JMJD1C: variants seen among roughly 807,000 people sequenced by gnomAD.
JMJD1C encodes the protein jumonji domain containing 1C.
In JMJD1C, 31 loss-of-function variants were observed where a neutral mutation model predicts 245.3. That is an observed-to-expected ratio of 0.13 (90% CI 0.09 to 0.17). JMJD1C has a LOEUF of 0.17. Ranked by LOEUF, JMJD1C falls within the 10% of genes least tolerant of loss-of-function variation. JMJD1C has a pLI of 1.00. For missense variants in JMJD1C, 2,691 were observed against 3,000.2 expected, an observed-to-expected ratio of 0.90 and a Z score of 2.41; for synonymous variants, 1,057 against 1,017.4, an observed-to-expected ratio of 1.04 and a Z score of -0.74.
At chr10:63,475,061 A>G (rs1287534239) in intron 1 of JMJD1C, among the ~76,000 whole-genome samples, 2 of 152,178 alleles carry the variant, frequency 1.3e-5, no homozygotes, top group Non-Finnish European at 2.9e-5. Context: ...GCGAGTATAA[A>G]ATGTAAAGAT....
chr10:63,418,364 T>C (rs1262119018), intron 1 of JMJD1C, among the ~76,000 whole-genome samples: 3 of 152,244 alleles, frequency 2.0e-5, no homozygotes, highest in Admixed American at 6.5e-5. Context: ...GTTTTGAAAT[T>C]AATCTTCCCT....
chr10:63,329,819 G>T (rs1280238172), intron 2 of JMJD1C, among the ~76,000 whole-genome samples: 1 of 152,210 alleles, frequency 6.6e-6, no homozygotes, highest in Non-Finnish European at 1.5e-5. Context: ...ATTACAAAGG[G>T]TAAACAACAG....
chr10:63,456,787 C>G (rs1418134682), intron 1 of JMJD1C, among the ~76,000 whole-genome samples: 1 of 152,020 alleles, frequency 6.6e-6, no homozygotes. Context: ...TGGAAGAAAC[C>G]TGAAATAATG....
chr10:63,516,277 G>A (rs1456312539), intron 1 of JMJD1C, among the ~76,000 whole-genome samples: 2 of 149,144 alleles, frequency 1.3e-5, no homozygotes, highest in East Asian at 1.9e-4. Flanking sequence ...CCTGTGAAAT[G>A]AACTGAGTAG....
chr10:63,249,871 AAG>A (rs1336377090), intron 3 of JMJD1C, among the ~76,000 whole-genome samples: 2 of 152,016 alleles, frequency 1.3e-5, no homozygotes, highest in African/African-American at 4.8e-5. Flanking sequence ...AAAAAAAAAA[AAG>A]AAAAAAGAAA....
chr10:63,504,405 C>A (rs925159204), intron 1 of JMJD1C, among the ~76,000 whole-genome samples: 1 of 152,016 alleles, frequency 6.6e-6, no homozygotes, highest in Non-Finnish European at 1.5e-5. Context: ...GGAGTCACCA[C>A]GGAATCTGAA....
Position 63,465,875 on chromosome 10 carries a change from C to A in JMJD1C, c.-213G>T. On this transcript the variant is annotated 5_prime_UTR_variant, in exon 1 of 26. Transcript: ENST00000399262. The stretch of plus-strand genomic sequence containing the variant: ...CTCCTTTGGACTCCCAGATTCGCAG[C>A]CTTGTGCTGCAGCGCCACACAAGAA... 1 of 677,948 alleles carries A rather than the reference C, an allele frequency of 1.5e-6. No homozygotes were observed. Among genetic ancestry groups the A allele is most frequent in the Admixed American group, 2.1e-5 (1 of 47,206 alleles). 42.0% of individuals were successfully genotyped at this position (677,948 alleles called of 1,614,324 possible).
intron 20 of JMJD1C, among the ~76,000 whole-genome samples, chr10:63,185,316 G>C (rs1844001403): frequency 6.6e-6 from 1 of 152,068 alleles, no homozygotes; most frequent in African/African-American, 2.4e-5. Context: ...TTTTTTTGTA[G>C]AGATAAGGTT....
chr10:63,168,388 G>C, intron 25 of JMJD1C, 47 bp downstream of exon 25: 6 of 1,550,240 alleles, frequency 3.9e-6, no homozygotes, highest in Non-Finnish European at 3.5e-6. Flanking sequence ...TCATATTTCT[G>C]AATATAAAAA....
At chr10:63,336,877 T>C (rs1942790320) in intron 2 of JMJD1C, among the ~76,000 whole-genome samples, 2 of 151,942 alleles carry the variant, frequency 1.3e-5, no homozygotes, top group South Asian at 4.2e-4. Context: ...AGAGACTTGC[T>C]CTGTTGCCCC....
chr10:63,187,693 G>C (rs916046322), intron 18 of JMJD1C, among the ~76,000 whole-genome samples: 6 of 152,116 alleles, frequency 3.9e-5, no homozygotes, highest in Non-Finnish European at 8.8e-5. Context: ...GTCCCACCTT[G>C]GCCTCCCAAA....
At chr10:63,238,006 TAAAAAAAA>T (rs35736445) in intron 3 of JMJD1C, among the ~76,000 whole-genome samples, 2 of 27,602 alleles carry the variant, frequency 7.2e-5, no homozygotes, top group African/African-American at 3.2e-4. Flanking sequence ...CCGTCTCTAC[TAAAAAAAA>T]AAAAAAAAAA....
chr10:63,229,930 T>G (rs1353122463), intron 3 of JMJD1C, among the ~76,000 whole-genome samples: 1 of 152,184 alleles, frequency 6.6e-6, no homozygotes, highest in Non-Finnish European at 1.5e-5. Context: ...TAGGTTTAGG[T>G]TTTTTTCCTA....
At chr10:63,362,404 C>G (rs1945460824) in intron 2 of JMJD1C, among the ~76,000 whole-genome samples, 1 of 151,954 alleles carries the variant, frequency 6.6e-6, no homozygotes, top group Non-Finnish European at 1.5e-5. Flanking sequence ...TTCTTGCCAT[C>G]AGATAGGCAA....
intron 1 of JMJD1C, among the ~76,000 whole-genome samples, chr10:63,460,739 A>G (rs1952735660): frequency 6.6e-6 from 1 of 152,224 alleles, no homozygotes; most frequent in African/African-American, 2.4e-5. Context: ...TATAAAATCT[A>G]TAAATACAGG....
intron 1 of JMJD1C, among the ~76,000 whole-genome samples, chr10:63,388,149 G>A (rs1189629837): frequency 1.3e-5 from 2 of 151,934 alleles, no homozygotes; most frequent in African/African-American, 2.4e-5. Context: ...ATCCCCAAAG[G>A]TATATAACTC....
chr10:63,408,601 T>C (rs1474698615), intron 1 of JMJD1C, among the ~76,000 whole-genome samples: 5 of 152,072 alleles, frequency 3.3e-5, no homozygotes, highest in African/African-American at 1.2e-4. Context: ...AAAAATCATT[T>C]CTAATTTTTC....
At chr10:63,512,544 G>C (rs1407773449) in intron 1 of JMJD1C, among the ~76,000 whole-genome samples, 4 of 152,060 alleles carry the variant, frequency 2.6e-5, no homozygotes, top group African/African-American at 9.7e-5. Flanking sequence ...CATGATTTCT[G>C]AGAAGTTGGA....
intron 2 of JMJD1C, among the ~76,000 whole-genome samples, chr10:63,324,040 T>C (rs201805025): frequency 4.5e-4 from 5 of 11,230 alleles, no homozygotes; most frequent in East Asian, 2.9e-3. Flanking sequence ...TTCGTCTGCC[T>C]TTTTTTTTTT....
Sources: gnomAD v4.1 joint callset for allele counts (sites outside exome capture counted in the v4.1 genomes callset) on GRCh38, gnomAD v4.1.1 for gene constraint, MANE v1.5 for transcripts, NCBI Gene and HGNC (gene_info 2026-07-23, HGNC 2026-07-21) for gene names.